JAK1: variants seen among roughly 807,000 people sequenced by gnomAD.
JAK1 encodes the protein Janus kinase 1, also known as tyrosine-protein kinase JAK1.
A neutral mutation model predicts 136.6 loss-of-function variants in JAK1; 16 were observed. That is an observed-to-expected ratio of 0.12 (90% CI 0.08 to 0.18). The LOEUF is 0.18. JAK1 is among the 10% of genes least tolerant of loss of function. The probability of loss-of-function intolerance (pLI) is 1.00; values close to 1 mark genes in which losing one functional copy is unlikely to be tolerated. For missense variants in JAK1, 859 were observed against 1,450.1 expected (o/e 0.59, Z 6.62); for synonymous variants, 492 against 519.5 (o/e 0.95, Z 0.72).
At chr1:65,034,183 A>ATAAC (rs1470158869) in intron 2 of JAK1, among the ~76,000 whole-genome samples, 2 of 152,222 alleles carry the variant, frequency 1.3e-5, no homozygotes, top group African/African-American at 4.8e-5. Flanking sequence ...AACGTATTTG[A>ATAAC]TAACTACAAG....
intron 4 of JAK1, among the ~76,000 whole-genome samples, chr1:64,874,683 C>A (rs1657286327): frequency 1.3e-5 from 2 of 152,162 alleles, no homozygotes; most frequent in Non-Finnish European, 2.9e-5. Context: ...CAGCTGCTAC[C>A]TAGGTCTCTT....
intron 1 of JAK1, among the ~76,000 whole-genome samples, chr1:64,936,141 T>C (rs1645785533): frequency 6.6e-6 from 1 of 152,186 alleles, no homozygotes; most frequent in South Asian, 2.1e-4. Context: ...CCTCCTCTCC[T>C]TCCAGGCTCA....
chr1:64,895,686 G>A (rs1645003661), intron 1 of JAK1, among the ~76,000 whole-genome samples: 1 of 152,150 alleles, frequency 6.6e-6, no homozygotes, highest in African/African-American at 2.4e-5. Context: ...TCTCCTCCCA[G>A]AAAGCTCTTC....
chr1:64,968,136 A>C (rs1210011578), upstream of JAK1, among the ~76,000 whole-genome samples: 2 of 152,100 alleles, frequency 1.3e-5, no homozygotes, highest in African/African-American at 4.8e-5. Flanking sequence ...TCAGGTGAGG[A>C]TGTAAAGAAA....
intron 1 of JAK1, among the ~76,000 whole-genome samples, chr1:64,909,858 G>C (rs1432880330): frequency 6.6e-6 from 1 of 152,000 alleles, no homozygotes; most frequent in Non-Finnish European, 1.5e-5. Context: ...AATAAGACAG[G>C]CGCTTGCTCT....
chr1:65,066,681 G>A (rs970058918), intron 1 of JAK1: 1 of 152,478 alleles, frequency 6.6e-6, no homozygotes, highest in African/African-American at 2.4e-5. Flanking sequence ...GGCGCCGCGC[G>A]GGGCTCGCCC....
intron 1 of JAK1, among the ~76,000 whole-genome samples, chr1:64,928,787 A>AC (rs1553170000): frequency 3.2e-5 from 3 of 92,602 alleles, no homozygotes; most frequent in Admixed American, 2.4e-4. Context: ...GCAAAAAAAA[A>AC]AAAAAAAAAC....
chr1:64,960,937 T>C lies in JAK1; in HGVS notation c.-78+5396A>G, dbSNP rs981405913. 3.9e-5 allele frequency among the ~76,000 whole-genome samples: 6 copies of C among 152,342 alleles called. No individual in the cohort carries two copies. In the East Asian group the frequency reaches 9.7e-4, roughly 25 times the overall value. On this transcript the variant is annotated intron_variant, in intron 1 of 24. Coordinates refer to ENST00000342505, the MANE Select transcript of JAK1 (RefSeq NM_002227.4). ...AATGCAACCTCAAATTGCTAGCTTG[T>C]TGACAATGGTGTTTGCCCTCCACTA...
At chr1:64,898,544 G>A (rs578045387) in intron 1 of JAK1, among the ~76,000 whole-genome samples, 16 of 152,308 alleles carry the variant, frequency 1.1e-4, no homozygotes, top group African/African-American at 3.6e-4. Context: ...ACCTTCCCTT[G>A]ATGATTCAGA....
chr1:64,851,255 C>G lies in JAK1; in HGVS notation c.1649-345G>C, dbSNP rs542164117. Among the ~76,000 whole-genome samples, 174 of 152,288 alleles carry G rather than the reference C, an allele frequency of 1.1e-3. 8 individuals are homozygous for G. Among genetic ancestry groups the G allele is most frequent in the Non-Finnish European group, 9.4e-4 (64 of 68,026 alleles). ...TGAAATTAAAATTTAAAATGTAAGACTGGAAACTGAAAGAAGTCAGAGACT... is the reference window on the plus strand; with the variant it reads ...TGAAATTAAAATTTAAAATGTAAGAGTGGAAACTGAAAGAAGTCAGAGACT... On this transcript the variant is annotated intron_variant, in intron 11 of 24. Coordinates refer to ENST00000342505, the MANE Select transcript of JAK1 (RefSeq NM_002227.4).
chr1:64,841,184 G>T, intron 19 of JAK1, 61 bp downstream of exon 19: 1 of 1,173,866 alleles, frequency 8.5e-7, no homozygotes, highest in Non-Finnish European at 1.3e-6. Context: ...CGTGCAGAGA[G>T]TGGCGCTGTG....
chr1:64,866,601 T>C (rs1656720301), intron 7 of JAK1, among the ~76,000 whole-genome samples: 1 of 152,216 alleles, frequency 6.6e-6, no homozygotes, highest in Non-Finnish European at 1.5e-5. Flanking sequence ...ACTTGGCACA[T>C]GGTAAACACT....
intron 2 of JAK1, chr1:64,979,609 A>T (rs1646526476): frequency 6.6e-6 from 1 of 152,236 alleles, no homozygotes; most frequent in Admixed American, 6.5e-5. Flanking sequence ...TTATAACATG[A>T]TGCAGGATAC....
At chr1:64,839,236 A>T (rs1654729660) in intron 20 of JAK1, among the ~76,000 whole-genome samples, 1 of 152,054 alleles carries the variant, frequency 6.6e-6, no homozygotes, top group Non-Finnish European at 1.5e-5. Flanking sequence ...TACAATTATT[A>T]GTAAATATTA....
intron 1 of JAK1, among the ~76,000 whole-genome samples, chr1:64,951,225 A>G (rs890253586): frequency 6.6e-6 from 1 of 152,236 alleles, no homozygotes; most frequent in African/African-American, 2.4e-5. Flanking sequence ...ATGTATTCTC[A>G]TAAGTGTCTG....
At chr1:64,898,251 T>C (rs1645054508) in intron 1 of JAK1, among the ~76,000 whole-genome samples, 1 of 152,192 alleles carries the variant, frequency 6.6e-6, no homozygotes, top group East Asian at 1.9e-4. Flanking sequence ...TGGTGACTCA[T>C]CCTCCTCTGC....
chr1:65,053,053 A>G (rs6656068), intron 1 of JAK1, among the ~76,000 whole-genome samples: 87,892 of 133,658 alleles, frequency 0.66, 30,525 homozygotes, highest in Non-Finnish European at 0.75. Flanking sequence ...AAAAAAAAAA[A>G]AAAGACTAGA....
upstream of JAK1, among the ~76,000 whole-genome samples, chr1:64,968,254 C>T (rs1295646155): frequency 2.0e-5 from 3 of 151,760 alleles, no homozygotes; most frequent in Admixed American, 6.6e-5. Context: ...TAGATCTGTT[C>T]GTCTATAACA....
At chr1:64,985,616 C>T (rs190432415) in intron 2 of JAK1, 5 of 860,524 alleles carry the variant, frequency 5.8e-6, no homozygotes, top group Non-Finnish European at 9.5e-6. Flanking sequence ...CAACAATGCC[C>T]AGCTGGTTGA....
Sources: gnomAD v4.1 joint callset for allele counts (sites outside exome capture counted in the v4.1 genomes callset) on GRCh38, gnomAD v4.1.1 for gene constraint, MANE v1.5 for transcripts, NCBI Gene and HGNC (gene_info 2026-07-23, HGNC 2026-07-21) for gene names.